Variants in ZNF644 observed in about 807,000 individuals in gnomAD.
ZNF644 encodes the protein zinc finger protein 644, also known as zinc finger motif enhancer binding protein 2.
A neutral mutation model predicts 108.0 loss-of-function variants in ZNF644; 20 were observed. The observed-to-expected ratio is 0.19, with a 90% CI of 0.13 to 0.27. The LOEUF (loss-of-function observed/expected upper bound fraction) is 0.27, where lower values mean the gene tolerates loss of function less well. Among genes scored for constraint, ZNF644 ranks in the 10% least tolerant of loss-of-function variants. The pLI, the probability that ZNF644 is intolerant of heterozygous loss-of-function variation, is 1.00. For synonymous variants in ZNF644, 542 were observed against 539.1 expected, an observed-to-expected ratio of 1.01 and a Z score of -0.08; for missense variants, 1,338 against 1,548.9, an observed-to-expected ratio of 0.86 and a Z score of 2.29.
intron 2 of ZNF644, among the ~76,000 whole-genome samples, chr1:90,971,016 A>AAC (rs943379898): frequency 6.6e-6 from 1 of 151,192 alleles, no homozygotes; most frequent in African/African-American, 2.4e-5. Context: ...AAAAAAAAAA[A>AAC]AACACTATCA....
At chr1:90,967,477 C>A (rs1487276203) in intron 2 of ZNF644, among the ~76,000 whole-genome samples, 5 of 152,122 alleles carry the variant, frequency 3.3e-5, no homozygotes, top group Non-Finnish European at 5.9e-5. Context: ...AACATAAAAA[C>A]CTTCCCTGTG....
At chr1:91,001,549 G>C (rs571248165) in intron 1 of ZNF644, among the ~76,000 whole-genome samples, 37 of 152,088 alleles carry the variant, frequency 2.4e-4, no homozygotes, top group Admixed American at 1.2e-3. Flanking sequence ...AATAACAAGA[G>C]CTATTTATGA....
chr1:90,946,758 A>C (rs1253503846), intron 2 of ZNF644, among the ~76,000 whole-genome samples: 1 of 152,046 alleles, frequency 6.6e-6, no homozygotes, highest in African/African-American at 2.4e-5. Context: ...ACACAAAACA[A>C]AACAAAAAAG....
intron 1 of ZNF644, among the ~76,000 whole-genome samples, chr1:91,015,264 C>A (rs1660331511): frequency 6.6e-6 from 1 of 152,048 alleles, no homozygotes; most frequent in South Asian, 2.1e-4. Flanking sequence ...AGAGGGGGAA[C>A]TGATAACTTT....
intron 2 of ZNF644, among the ~76,000 whole-genome samples, chr1:90,972,402 A>T (rs1167467249): frequency 6.6e-6 from 1 of 152,180 alleles, no homozygotes; most frequent in African/African-American, 2.4e-5. Context: ...TAATTATTAG[A>T]CAAATACAAA....
At chr1:90,987,448 C>A (rs756615567) in intron 1 of ZNF644, among the ~76,000 whole-genome samples, 12 of 151,354 alleles carry the variant, frequency 7.9e-5, no homozygotes, top group Non-Finnish European at 1.3e-4. Flanking sequence ...TGGTATATTC[C>A]TAAAAATGTA....
At chr1:91,018,279 T>G (rs139900508) in intron 1 of ZNF644, among the ~76,000 whole-genome samples, 92 of 152,308 alleles carry the variant, frequency 6.0e-4, no homozygotes, top group African/African-American at 2.0e-3. Context: ...CTTGCACTAT[T>G]AACAGCAGCT....
intron 2 of ZNF644, among the ~76,000 whole-genome samples, chr1:90,963,912 T>C (rs1654580800): frequency 6.6e-6 from 1 of 152,122 alleles, no homozygotes; most frequent in Non-Finnish European, 1.5e-5. Flanking sequence ...CATTTTCCTG[T>C]AAGTATTGTA....
chr1:91,004,330 CACAG>C (rs1659198510), intron 1 of ZNF644, among the ~76,000 whole-genome samples: 1 of 152,162 alleles, frequency 6.6e-6, no homozygotes, highest in Non-Finnish European at 1.5e-5. Flanking sequence ...AGCAACTTGT[CACAG>C]ACAAACAACT....
At position 90,940,378 on chromosome 1, in the gene ZNF644, G is replaced by C. The variant is rs1282184171; in HGVS notation, c.976C>G (p.Leu326Val). The C allele has an allele frequency of 5.6e-6, 9 of 1,613,478 alleles. No homozygotes were observed. The highest frequency in any genetic ancestry group is 7.6e-6 in the Non-Finnish European group (9 of 1,179,938). The change falls in exon 3 of 6, where the codon CTA becomes GTA. Residue 326 changes from leucine (L) to valine (V), a missense_variant. Leu to Val is a conservative substitution (Grantham distance 32). This residue lies in a region of ZNF644 where 464 missense variants were observed against 457.9 expected (regional missense o/e 1.01). Coordinates refer to ENST00000337393, the MANE Select transcript of ZNF644 (RefSeq NM_201269.3). The part of the protein sequence containing the change: ...NKSKMQEVDF[L>V]EQNEELQAVD... ...GCTTGTAGCTCTTCATTTTGTTCTA[G>C]AAAGTCTACTTCTTGCATTTTTGAT...
rs568946843 is a variant in ZNF644 at position 90,920,819 on chromosome 1, T to C, written c.3689-2665A>G. Reference sequence around the variant, plus strand: ...GAAACTTATTCACAAAGTTAAAATATTAAAAATCTGGGAACTTTGGAAATT... The same window carrying C: ...GAAACTTATTCACAAAGTTAAAATACTAAAAATCTGGGAACTTTGGAAATT... On this transcript the variant is annotated intron_variant, in intron 4 of 5. Transcript: ENST00000337393. Among the ~76,000 whole-genome samples, 4 of 152,076 alleles carry C rather than the reference T, an allele frequency of 2.6e-5. No individual in the cohort carries two copies. In the South Asian group the frequency reaches 8.3e-4, roughly 31 times the overall value.
intron 1 of ZNF644, among the ~76,000 whole-genome samples, chr1:90,999,448 C>A (rs1658526752): frequency 6.6e-6 from 1 of 152,116 alleles, no homozygotes; most frequent in South Asian, 2.1e-4. Context: ...AACTAAGCTT[C>A]ATAAGTGAAG....
chr1:91,009,068 T>C (rs994373659), intron 1 of ZNF644, among the ~76,000 whole-genome samples: 7 of 152,018 alleles, frequency 4.6e-5, no homozygotes, highest in African/African-American at 1.7e-4. Context: ...ACCCCATCTC[T>C]ACAAAATAAT....
intron 1 of ZNF644, among the ~76,000 whole-genome samples, chr1:90,989,884 A>C (rs113027598): frequency 2.0e-3 from 305 of 152,342 alleles, no homozygotes; most frequent in Middle Eastern, 0.017. Flanking sequence ...CAACAGCATT[A>C]TTCACAAGAT....
chr1:90,940,562 C>A lies in ZNF644; in HGVS notation c.792G>T (p.Glu264Asp). 1 of 1,613,706 alleles carries A rather than the reference C, an allele frequency of 6.2e-7. No individual in the cohort carries two copies. Among genetic ancestry groups the A allele is most frequent in the Non-Finnish European group, 8.5e-7 (1 of 1,179,918 alleles). ...ENDTNWDPQKEFIQFLMTNEE... is the reference protein window; with the variant it reads ...ENDTNWDPQKDFIQFLMTNEE... ...CATTAGTCATAAGAAATTGAATGAA[C>A]TCTTTTTGGGGATCCCAGTTTGTAT... is the stretch of plus-strand genomic sequence containing the variant. Residue 264 changes from glutamate (E) to aspartate (D), a missense_variant, in exon 3 of 6, where the codon GAG becomes GAT. This residue lies in a region of ZNF644 where 464 missense variants were observed against 457.9 expected (regional missense o/e 1.01). Transcript: ENST00000337393.
At chr1:90,988,097 T>C (rs531900707) in intron 1 of ZNF644, among the ~76,000 whole-genome samples, 16 of 152,052 alleles carry the variant, frequency 1.1e-4, no homozygotes, top group South Asian at 4.2e-4. Context: ...TGCATTCAAA[T>C]TGGAAAGAAG....
chr1:90,962,239 G>A (rs989103965), intron 2 of ZNF644, among the ~76,000 whole-genome samples: 9 of 150,958 alleles, frequency 6.0e-5, no homozygotes, highest in African/African-American at 2.2e-4. Flanking sequence ...TGGATATAAA[G>A]ACATTATTAT....
At chr1:90,969,894 T>G (rs1002590081) in intron 2 of ZNF644, among the ~76,000 whole-genome samples, 1 of 152,186 alleles carries the variant, frequency 6.6e-6, no homozygotes, top group Non-Finnish European at 1.5e-5. Flanking sequence ...TAGATTCTTA[T>G]GGCAGCCCTA....
intron 1 of ZNF644, among the ~76,000 whole-genome samples, chr1:91,001,354 A>G (rs1453859218): frequency 1.3e-5 from 2 of 152,224 alleles, no homozygotes; most frequent in Non-Finnish European, 2.9e-5. Flanking sequence ...AGTGGGCTTC[A>G]TCCCTGGGAT....
Sources: allele counts gnomAD v4.1 joint callset (sites outside exome capture counted in the v4.1 genomes callset), GRCh38; gene constraint gnomAD v4.1.1; regional missense constraint gnomAD v4.1.1; transcripts MANE v1.5; gene names NCBI Gene and HGNC (gene_info 2026-07-23, HGNC 2026-07-21).